RBBP8: variants seen among roughly 807,000 people sequenced by gnomAD.
RBBP8 encodes RB binding protein 8, endonuclease, also known as DNA endonuclease RBBP8.
Under a neutral mutation model 108.3 loss-of-function variants are expected in RBBP8, and 88 were observed. The observed-to-expected ratio is 0.81, with a 90% confidence interval of 0.68 to 0.97. The LOEUF is 0.97. Ranked by LOEUF, RBBP8 falls within the 50% of genes least tolerant of loss-of-function variation. RBBP8 has a pLI of 0.00. For missense variants in RBBP8, 1,023 were observed against 1,049.0 expected (o/e 0.98, Z 0.34); for synonymous variants, 332 against 348.2 (o/e 0.95, Z 0.52).
At position 22,992,771 on chromosome 18, in the gene RBBP8, C is replaced by T; in HGVS notation, c.944C>T (p.Thr315Ile). Residue 315 changes from threonine to isoleucine, a missense_variant, in exon 11 of 19, where the codon ACT becomes ATT. By Grantham distance (89) the Thr-to-Ile change is moderately conservative. Coordinates refer to ENST00000327155, the MANE Select transcript of RBBP8 (RefSeq NM_002894.3). ...AGATTTTCAGATTCTACTTCAAAGA[C>T]TCCTCCTCAAGAAGAATTACCTACT... ...SLRFSDSTSK[T>I]PPQEELPTRV... 2.5e-6 allele frequency: 4 copies of T among 1,593,720 alleles called. No homozygotes were observed. The highest frequency in any genetic ancestry group is 3.4e-6 in the Non-Finnish European group (4 of 1,161,756).
intron 16 of RBBP8, among the ~76,000 whole-genome samples, chr18:23,009,005 C>A (rs1323078573): frequency 6.6e-6 from 1 of 152,090 alleles, no homozygotes; most frequent in Non-Finnish European, 1.5e-5. Flanking sequence ...GATCTCCTGA[C>A]CTCGTGATCC....
intron 4 of RBBP8, among the ~76,000 whole-genome samples, chr18:22,962,666 C>T (rs1178795041): frequency 6.6e-6 from 1 of 151,672 alleles, no homozygotes; most frequent in Non-Finnish European, 1.5e-5. Context: ...AAGTGATCCC[C>T]CCGAGCTCAC....
intron 15 of RBBP8, among the ~76,000 whole-genome samples, chr18:23,003,727 A>G (rs1429130873): frequency 6.6e-6 from 1 of 152,186 alleles, no homozygotes; most frequent in Non-Finnish European, 1.5e-5. Flanking sequence ...CTTACCTTAA[A>G]GATGCATTGT....
At chr18:23,021,448 A>G (rs148417691) in intron 17 of RBBP8, among the ~76,000 whole-genome samples, 71 of 152,308 alleles carry the variant, frequency 4.7e-4, no homozygotes, top group South Asian at 3.5e-3. Context: ...TCTATGTTCT[A>G]TTAAACCTTA....
intron 4 of RBBP8, among the ~76,000 whole-genome samples, chr18:22,958,892 A>C (rs1334340429): frequency 6.6e-6 from 1 of 152,138 alleles, no homozygotes; most frequent in Non-Finnish European, 1.5e-5. Flanking sequence ...TTCTTGTACT[A>C]ATTTAGGTCA....
intron 8 of RBBP8, among the ~76,000 whole-genome samples, chr18:22,986,434 A>G (rs963561627): frequency 2.0e-5 from 3 of 152,210 alleles, no homozygotes; most frequent in Admixed American, 2.0e-4. Context: ...CTCATGTTCA[A>G]AGGAAACTAA....
At chr18:22,991,725 A>AT (rs1382025585) in intron 10 of RBBP8, among the ~76,000 whole-genome samples, 2 of 152,158 alleles carry the variant, frequency 1.3e-5, no homozygotes, top group Admixed American at 6.5e-5. Context: ...TGAAATTTGG[A>AT]TTTTTTACCC....
At chr18:22,944,056 T>C (rs769518044) in intron 2 of RBBP8, among the ~76,000 whole-genome samples, 1 of 152,222 alleles carries the variant, frequency 6.6e-6, no homozygotes, top group Non-Finnish European at 1.5e-5. Context: ...AGATTACCTG[T>C]TCATACAGGA....
chr18:22,941,492 A>G (rs1269088399), intron 2 of RBBP8, among the ~76,000 whole-genome samples: 1 of 152,080 alleles, frequency 6.6e-6, no homozygotes, highest in Non-Finnish European at 1.5e-5. Context: ...TATTAATTTA[A>G]TAGAAATAAA....
At chr18:22,993,977 A>G in intron 12 of RBBP8, 130 bp downstream of exon 12, 1 of 753,704 alleles carries the variant, frequency 1.3e-6, no homozygotes, top group Non-Finnish European at 2.1e-6. Context: ...CTGTATTTAT[A>G]GGACGATTCT....
intron 5 of RBBP8, among the ~76,000 whole-genome samples, chr18:22,972,756 T>C (rs1219647693): frequency 6.6e-6 from 1 of 152,258 alleles, no homozygotes; most frequent in East Asian, 1.9e-4. Context: ...CATTCTGCTC[T>C]TGCCCAGTAT....
chr18:22,934,027 C>CGA (rs1910277528), intron 1 of RBBP8: 1 of 152,784 alleles, frequency 6.5e-6, no homozygotes, highest in Non-Finnish European at 1.5e-5. Context: ...ATGAAATGTG[C>CGA]CTCTCGCCTT....
chr18:22,957,024 G>C (rs1912618475), intron 4 of RBBP8, among the ~76,000 whole-genome samples: 1 of 152,008 alleles, frequency 6.6e-6, no homozygotes, highest in Non-Finnish European at 1.5e-5. Context: ...AAAGCATTTT[G>C]GCAGTCAGTG....
intron 17 of RBBP8, among the ~76,000 whole-genome samples, chr18:23,017,791 G>A (rs1356829850): frequency 2.4e-5 from 3 of 122,488 alleles, no homozygotes; most frequent in Non-Finnish European, 4.7e-5. Flanking sequence ...CTGTTGCCCA[G>A]GCTGGAATGT....
At chr18:23,011,197 T>G (rs894400030) in intron 16 of RBBP8, among the ~76,000 whole-genome samples, 5 of 152,216 alleles carry the variant, frequency 3.3e-5, no homozygotes, top group Non-Finnish European at 5.9e-5. Context: ...GATCTTTTTA[T>G]TACACTTCTA....
chr18:22,981,320 T>C (rs986522438), intron 6 of RBBP8, among the ~76,000 whole-genome samples: 1 of 152,052 alleles, frequency 6.6e-6, no homozygotes, highest in African/African-American at 2.4e-5. Flanking sequence ...GAGTAGACTA[T>C]AAGGGGGCCT....
At chr18:22,917,019 T>C (rs770339793) in exon 3 of RBBP8, 16 of 152,116 alleles carry the variant, frequency 1.1e-4, no homozygotes, top group Non-Finnish European at 2.1e-4. Context: ...GAAGCTGTTA[T>C]TGAAGGGGTA....
chr18:22,972,335 CAG>C (rs374919382), intron 5 of RBBP8, among the ~76,000 whole-genome samples: 7,336 of 121,050 alleles, frequency 0.061, 284 homozygotes, highest in Middle Eastern at 0.18. Flanking sequence ...GCCTCGGCGA[CAG>C]AGCGAGACTC....
chr18:23,002,360 C>T (rs2045963306), intron 15 of RBBP8, among the ~76,000 whole-genome samples: 1 of 152,062 alleles, frequency 6.6e-6, no homozygotes, highest in Non-Finnish European at 1.5e-5. Flanking sequence ...ATCAGTGAAC[C>T]GCTGACTGTA....
Sources: allele counts gnomAD v4.1 joint callset (sites outside exome capture counted in the v4.1 genomes callset), GRCh38; gene constraint gnomAD v4.1.1; transcripts MANE v1.5; gene names NCBI Gene and HGNC (gene_info 2026-07-23, HGNC 2026-07-21).